TNIK: variants seen among roughly 807,000 people sequenced by gnomAD.
TNIK encodes TRAF2 and NCK-interacting protein kinase.
Under a neutral mutation model 191.3 loss-of-function variants are expected in TNIK, and 49 were observed. The observed-to-expected ratio is 0.26, with a 90% CI of 0.20 to 0.32. TNIK has a LOEUF of 0.32. TNIK is among the 10% of genes least tolerant of loss of function. TNIK has a pLI of 1.00. For synonymous variants in TNIK, 594 were observed against 600.9 expected (o/e 0.99, Z 0.17); for missense variants, 1,155 against 1,702.3 (o/e 0.68, Z 5.66).
chr3:171,208,235 C>T (rs917382486), intron 4 of TNIK, among the ~76,000 whole-genome samples: 3 of 152,074 alleles, frequency 2.0e-5, no homozygotes, highest in African/African-American at 4.8e-5. Flanking sequence ...GCAGCAGGAT[C>T]GCTTGAGCTA....
intron 3 of TNIK, among the ~76,000 whole-genome samples, chr3:171,221,818 T>G (rs1437506927): frequency 2.0e-5 from 3 of 151,978 alleles, no homozygotes; most frequent in African/African-American, 4.8e-5. Flanking sequence ...AAAGATAGGG[T>G]GAGTGCAAAC....
At chr3:171,109,839 A>G (rs1298959163) in intron 19 of TNIK, among the ~76,000 whole-genome samples, 3 of 152,200 alleles carry the variant, frequency 2.0e-5, no homozygotes, top group Non-Finnish European at 4.4e-5. Flanking sequence ...CTAAACAATG[A>G]TGAATAATTT....
At chr3:171,213,441 G>C (rs899918155) in intron 3 of TNIK, among the ~76,000 whole-genome samples, 2 of 152,060 alleles carry the variant, frequency 1.3e-5, no homozygotes, top group Non-Finnish European at 1.5e-5. Flanking sequence ...GTCATTCTTA[G>C]TGAGAAATCA....
At position 171,402,200 on chromosome 3, in the gene TNIK, A is replaced by G. The variant is rs992173255; in HGVS notation, c.58-32515T>C. On this transcript the variant is annotated intron_variant, in intron 1 of 32. Coordinates refer to ENST00000436636, the MANE Select transcript of TNIK (RefSeq NM_015028.4). ...AAAGACTTAAGAAATTGAATGGAAA[A>G]TAATGCTCTCTTTAGAAAGCCCATG... Among the ~76,000 whole-genome samples the G allele has an allele frequency of 5.9e-5, 9 of 152,354 alleles. No homozygotes were observed. In the South Asian group the frequency reaches 1.2e-3, roughly 21 times the overall value.
intron 18 of TNIK, among the ~76,000 whole-genome samples, 179 bp from the exon 19 acceptor site, chr3:171,111,056 G>A (rs1319152858): frequency 2.0e-5 from 3 of 152,168 alleles, no homozygotes; most frequent in Admixed American, 2.0e-4. Context: ...TTCTTAAAAG[G>A]AGACATGCAG....
At chr3:171,317,428 C>T (rs949300705) in intron 2 of TNIK, among the ~76,000 whole-genome samples, 1 of 152,086 alleles carries the variant, frequency 6.6e-6, no homozygotes, top group Non-Finnish European at 1.5e-5. Flanking sequence ...TGAAATGCTG[C>T]CAAATGGAGA....
At chr3:171,296,282 AAAT>A (rs1752281633) in intron 2 of TNIK, among the ~76,000 whole-genome samples, 1 of 152,162 alleles carries the variant, frequency 6.6e-6, no homozygotes, top group African/African-American at 2.4e-5. Flanking sequence ...CAGCCAAGGC[AAAT>A]TAACTGGTGT....
intron 23 of TNIK, among the ~76,000 whole-genome samples, chr3:171,088,728 A>G (rs567788223): frequency 6.6e-6 from 1 of 152,344 alleles, no homozygotes; most frequent in South Asian, 2.1e-4. Flanking sequence ...AGATTAAAAG[A>G]CAACTCTGGT....
At chr3:171,455,812 C>T (rs1299920139) in intron 1 of TNIK, among the ~76,000 whole-genome samples, 1 of 152,306 alleles carries the variant, frequency 6.6e-6, no homozygotes, top group East Asian at 1.9e-4. Flanking sequence ...GTTCATTCCA[C>T]TCCATTCATT....
intron 2 of TNIK, among the ~76,000 whole-genome samples, chr3:171,365,198 T>C (rs940595095): frequency 9.4e-6 from 1 of 106,774 alleles, no homozygotes; most frequent in Non-Finnish European, 1.8e-5. Context: ...TTTTTTTTTT[T>C]TGAGACAGAG....
chr3:171,062,729 T>C lies in TNIK; in HGVS notation c.*1152A>G, dbSNP rs942614331. 4.6e-5 allele frequency: 7 copies of C among 152,146 alleles called. No individual in the cohort carries two copies. The East Asian group carries it at 1.3e-3, about 29-fold the overall frequency. 9.4% of individuals were successfully genotyped at this position (152,146 alleles called of 1,614,324 possible). On this transcript the variant is annotated 3_prime_UTR_variant, in exon 33 of 33. Coordinates refer to ENST00000436636, the MANE Select transcript of TNIK (RefSeq NM_015028.4). ...GCAGGCTTAGGAGTCTAGTCCCTTCTCTCACCCACACAGGGAGAACACAGG... is the reference window on the plus strand; with the variant it reads ...GCAGGCTTAGGAGTCTAGTCCCTTCCCTCACCCACACAGGGAGAACACAGG...
intron 2 of TNIK, among the ~76,000 whole-genome samples, chr3:171,294,593 C>T (rs1016221188): frequency 2.6e-5 from 4 of 151,596 alleles, no homozygotes; most frequent in African/African-American, 7.3e-5. Context: ...TGGTGGTGAG[C>T]ATCTGTAATC....
At chr3:171,170,532 C>T (rs1735134544) in intron 9 of TNIK, among the ~76,000 whole-genome samples, 1 of 152,170 alleles carries the variant, frequency 6.6e-6, no homozygotes, top group Non-Finnish European at 1.5e-5. Context: ...GTCTCAGTTT[C>T]CCTGGCTGCA....
At chr3:171,345,979 T>C (rs1198069094) in intron 2 of TNIK, among the ~76,000 whole-genome samples, 1 of 152,012 alleles carries the variant, frequency 6.6e-6, no homozygotes, top group Non-Finnish European at 1.5e-5. Flanking sequence ...TGATGAATGC[T>C]ACGGGAAAAA....
rs182347310 is a variant in TNIK at position 171,270,997 on chromosome 3, C to A, written c.124-42776G>T. Among the ~76,000 whole-genome samples, 475 of 152,302 alleles carry A rather than the reference C, an allele frequency of 3.1e-3. 1 individual carries two copies. The highest frequency in any genetic ancestry group is 0.01 in the Middle Eastern group (3 of 294). On this transcript the variant is annotated intron_variant, in intron 2 of 32. Coordinates refer to ENST00000436636, the MANE Select transcript of TNIK (RefSeq NM_015028.4). Reference sequence around the variant, plus strand: ...AACACTCATTTGTTTACCTTTCTGGCTCTACTGCTAAGCTGAATTCAGGGA... The same window carrying A: ...AACACTCATTTGTTTACCTTTCTGGATCTACTGCTAAGCTGAATTCAGGGA...
At chr3:171,279,343 A>G (rs1276021574) in intron 2 of TNIK, among the ~76,000 whole-genome samples, 1 of 152,194 alleles carries the variant, frequency 6.6e-6, no homozygotes, top group Non-Finnish European at 1.5e-5. Context: ...AAAATTCTAT[A>G]TATTTTTAAT....
chr3:171,087,604 T>C, intron 23 of TNIK, 98 bp from the exon 24 acceptor site: 1 of 1,327,732 alleles, frequency 7.5e-7, no homozygotes, highest in Non-Finnish European at 1.0e-6. Flanking sequence ...GGGCTCCAAA[T>C]CAACCCACTA....
At chr3:171,436,800 T>C (rs115099618) in intron 1 of TNIK, among the ~76,000 whole-genome samples, 1,588 of 152,290 alleles carry the variant, frequency 0.01, 15 homozygotes, top group Non-Finnish European at 0.017. Flanking sequence ...TGCCTTGATT[T>C]TCAAAAGACT....
chr3:171,111,305 C>A (rs1289486934), intron 18 of TNIK, among the ~76,000 whole-genome samples: 5 of 152,046 alleles, frequency 3.3e-5, no homozygotes, highest in African/African-American at 1.2e-4. Context: ...CTCCCACTTA[C>A]ATGAGAGGCT....
Sources: gnomAD v4.1 joint callset for allele counts (sites outside exome capture counted in the v4.1 genomes callset) on GRCh38, gnomAD v4.1.1 for gene constraint, MANE v1.5 for transcripts, NCBI Gene and HGNC (gene_info 2026-07-23, HGNC 2026-07-21) for gene names.